Variants in MTMR3 observed in about 807,000 individuals in gnomAD.
The protein encoded by MTMR3 is phosphatidylinositol-3,5-bisphosphate 3-phosphatase MTMR3.
MTMR3 carries 32 observed loss-of-function variants against 132.4 expected under a neutral mutation model. That is an observed-to-expected ratio of 0.24 (90% CI 0.18 to 0.32). The LOEUF is 0.32. Ranked by LOEUF, MTMR3 falls within the 10% of genes least tolerant of loss-of-function variation. The pLI, the probability that MTMR3 is intolerant of heterozygous loss-of-function variation, is 1.00. For synonymous variants in MTMR3, 556 were observed against 550.3 expected, an observed-to-expected ratio of 1.01 and a Z score of -0.14; for missense variants, 1,216 against 1,489.6, an observed-to-expected ratio of 0.82 and a Z score of 3.02.
intron 3 of MTMR3, among the ~76,000 whole-genome samples, chr22:29,976,343 A>G (rs2066629396): frequency 6.6e-6 from 1 of 152,100 alleles, no homozygotes; most frequent in Admixed American, 6.5e-5. Context: ...CAAATGTCCA[A>G]GTCTGCATTA....
intron 3 of MTMR3, among the ~76,000 whole-genome samples, chr22:29,972,364 A>C (rs1313390412): frequency 6.6e-6 from 1 of 152,128 alleles, no homozygotes; most frequent in Admixed American, 6.5e-5. Flanking sequence ...TGGGTTCTCC[A>C]TGGTGCCTAG....
intron 2 of MTMR3, among the ~76,000 whole-genome samples, chr22:29,963,300 C>T (rs2066350159): frequency 1.3e-5 from 2 of 151,722 alleles, no homozygotes; most frequent in South Asian, 4.2e-4. Flanking sequence ...CCAGGCTGGT[C>T]TCAAACACCT....
At chr22:29,931,662 C>T (rs992047071) in intron 1 of MTMR3, among the ~76,000 whole-genome samples, 7 of 152,180 alleles carry the variant, frequency 4.6e-5, no homozygotes, top group Admixed American at 3.9e-4. Context: ...ATCCGCCTGC[C>T]TTGGCCTTCC....
At chr22:30,007,665 C>T in intron 10 of MTMR3, 1 of 572,454 alleles carries the variant, frequency 1.7e-6, no homozygotes, top group Non-Finnish European at 3.1e-6. Flanking sequence ...AGAGACTGGG[C>T]TGTGTGAACC....
At chr22:29,901,143 T>C (rs2064996514) in intron 1 of MTMR3, among the ~76,000 whole-genome samples, 1 of 152,090 alleles carries the variant, frequency 6.6e-6, no homozygotes, top group Non-Finnish European at 1.5e-5. Flanking sequence ...TCTCATTTGT[T>C]TTGACCATGA....
In MTMR3 at chr22:30,026,694, C is replaced by T. The variant is rs2067917525; in HGVS notation, c.*893C>T. 6.5e-6 allele frequency: 1 copy of T among 152,972 alleles called. No homozygotes were observed. The highest frequency in any genetic ancestry group is 2.1e-4 in the South Asian group (1 of 4,828). The allele number at this position is 152,972 out of a possible 1,614,324, so 9.5% of individuals were successfully genotyped here. ...CACACCTGGGTCCCCATTCTGGGGC[C>T]TGGTCCCCTAAACAATCTCTTCCTC... On this transcript the variant is annotated 3_prime_UTR_variant, in exon 20 of 20. Coordinates refer to ENST00000401950, the MANE Select transcript of MTMR3 (RefSeq NM_021090.4).
At chr22:29,891,482 T>C (rs535145308) in intron 1 of MTMR3, among the ~76,000 whole-genome samples, 15 of 152,062 alleles carry the variant, frequency 9.9e-5, no homozygotes, top group African/African-American at 3.4e-4. Flanking sequence ...CCGAGGCTGG[T>C]GTGCAGTGGT....
At position 30,027,715 on chromosome 22, in the gene MTMR3, A is replaced by G. The variant is rs560088871; in HGVS notation, c.*1914A>G. 9.2e-5 allele frequency: 14 copies of G among 152,860 alleles called. No individual in the cohort carries two copies. In the East Asian group the frequency reaches 2.4e-3, roughly 27 times the overall value. 9.5% of individuals were successfully genotyped at this position (152,860 alleles called of 1,614,324 possible). ...GTTAAAGGAGGAACCGTAACTCTCC[A>G]TAGCTGTACATATAACCCTTTTCTC... On this transcript the variant is annotated 3_prime_UTR_variant, in exon 20 of 20. Coordinates refer to ENST00000401950, the MANE Select transcript of MTMR3 (RefSeq NM_021090.4).
Position 30,022,665 on chromosome 22 carries a change from C to T in MTMR3, c.3393C>T (p.Ala1131=), listed in dbSNP as rs370004661. 1.2e-5 allele frequency: 20 copies of T among 1,611,328 alleles called. No individual in the cohort carries two copies. The highest frequency in any genetic ancestry group is 1.4e-5 in the Non-Finnish European group (17 of 1,179,940). The part of the protein sequence containing the change: ...LAAHCYACDS[A]FWLASRKHHC... ...CCCACTGCTATGCGTGCGACAGTGC[C>T]TTCTGGCTTGCCAGCAGGAAGCACC... The change falls in exon 19 of 20, where the codon GCC becomes GCT. Residue 1131 remains alanine (A), a synonymous_variant. Transcript: ENST00000401950.
At chr22:29,919,886 T>C (rs1209132110) in intron 1 of MTMR3, among the ~76,000 whole-genome samples, 1 of 152,138 alleles carries the variant, frequency 6.6e-6, no homozygotes, top group African/African-American at 2.4e-5. Context: ...ATAAGTATTT[T>C]TACATGTATT....
At chr22:29,977,617 A>G (rs1019761122) in intron 3 of MTMR3, among the ~76,000 whole-genome samples, 2 of 152,210 alleles carry the variant, frequency 1.3e-5, no homozygotes, top group Non-Finnish European at 2.9e-5. Context: ...AATTTCACAT[A>G]TAACCAGAGT....
intron 1 of MTMR3, among the ~76,000 whole-genome samples, chr22:29,949,145 C>CACACACACA (rs1569019847): frequency 7.9e-5 from 1 of 12,728 alleles, no homozygotes; most frequent in African/African-American, 2.8e-4. Context: ...ACACACACAC[C>CACACACACA]CCCCCCCCCC....
intron 1 of MTMR3, among the ~76,000 whole-genome samples, chr22:29,887,577 C>T (rs898827627): frequency 3.3e-5 from 5 of 152,178 alleles, no homozygotes; most frequent in African/African-American, 1.2e-4. Flanking sequence ...CACATGTATC[C>T]TGTCTGCCAG....
chr22:29,975,584 C>G (rs2066614085), intron 3 of MTMR3, among the ~76,000 whole-genome samples: 1 of 152,188 alleles, frequency 6.6e-6, no homozygotes, highest in South Asian at 2.1e-4. Context: ...TAATACCAAA[C>G]CAAAACTTGA....
intron 3 of MTMR3, among the ~76,000 whole-genome samples, chr22:29,976,643 C>T (rs1448260004): frequency 6.6e-6 from 1 of 152,094 alleles, no homozygotes; most frequent in Non-Finnish European, 1.5e-5. Flanking sequence ...GCAGTTTTAC[C>T]TACCAGGTTT....
At chr22:29,977,466 T>C (rs949455310) in intron 3 of MTMR3, among the ~76,000 whole-genome samples, 13 of 152,258 alleles carry the variant, frequency 8.5e-5, no homozygotes, top group African/African-American at 3.1e-4. Context: ...CTTCCTCTTT[T>C]GAAATTGTCT....
intron 3 of MTMR3, among the ~76,000 whole-genome samples, chr22:29,973,772 G>T (rs1487840653): frequency 2.0e-5 from 3 of 152,058 alleles, no homozygotes; most frequent in African/African-American, 7.2e-5. Context: ...GCTAATTTTT[G>T]TATTTTAGTA....
chr22:29,952,065 G>T (rs975941000), intron 1 of MTMR3, among the ~76,000 whole-genome samples: 2 of 151,660 alleles, frequency 1.3e-5, no homozygotes, highest in Admixed American at 6.6e-5. Context: ...ATTTTTGTGG[G>T]TTTTTTTGTA....
chr22:29,916,618 TTAG>T (rs1247313244), intron 1 of MTMR3, among the ~76,000 whole-genome samples: 2 of 152,196 alleles, frequency 1.3e-5, no homozygotes, highest in Non-Finnish European at 2.9e-5. Context: ...GTCCAGTTTT[TTAG>T]TAGTTTTGGT....
Sources: gnomAD v4.1 joint callset for allele counts (sites outside exome capture counted in the v4.1 genomes callset) on GRCh38, gnomAD v4.1.1 for gene constraint, MANE v1.5 for transcripts, NCBI Gene and HGNC (gene_info 2026-07-23, HGNC 2026-07-21) for gene names.